Variants in ZNF804B observed in about 807,000 individuals in gnomAD.
ZNF804B encodes zinc finger protein 804B.
In ZNF804B, 80 loss-of-function variants were observed where a neutral mutation model predicts 101.4. The observed-to-expected ratio is 0.79, with a 90% confidence interval of 0.66 to 0.95. The LOEUF is 0.95. ZNF804B is among the 40% of genes least tolerant of loss of function. The probability of loss-of-function intolerance (pLI) is 0.00; values close to 1 mark genes in which losing one functional copy is unlikely to be tolerated. For synonymous variants in ZNF804B, 622 were observed against 558.8 expected (o/e 1.11, Z -1.59); for missense variants, 1,673 against 1,561.9 (o/e 1.07, Z -1.20).
chr7:89,305,522 A>T (rs1400568547), intron 2 of ZNF804B, among the ~76,000 whole-genome samples: 1 of 151,918 alleles, frequency 6.6e-6, no homozygotes, highest in Admixed American at 6.6e-5. Context: ...CTTCCTCAAC[A>T]TAGTTTGTTG....
chr7:89,170,705 T>C (rs1791210401), intron 1 of ZNF804B, among the ~76,000 whole-genome samples: 1 of 152,200 alleles, frequency 6.6e-6, no homozygotes. Context: ...GGTGGTAGGT[T>C]TGTAAAGAAA....
At chr7:88,907,046 A>G (rs1329730272) in intron 1 of ZNF804B, among the ~76,000 whole-genome samples, 3 of 152,064 alleles carry the variant, frequency 2.0e-5, no homozygotes, top group African/African-American at 7.2e-5. Context: ...TGATATAAGA[A>G]TAGTGACTCT....
At position 89,336,454 on chromosome 7, in the gene ZNF804B, T is replaced by C. The variant is rs370763423; in HGVS notation, c.3472T>C (p.Tyr1158His). 9.5e-5 allele frequency: 153 copies of C among 1,613,912 alleles called. No individual in the cohort carries two copies. The highest frequency in any genetic ancestry group is 1.3e-4 in the Non-Finnish European group (148 of 1,180,014). ...ITFSPDEIDK[Y>H]KILQLQAQQH... ...ATTTTCTCCTGACGAAATAGATAAATATAAGATCCTACAGCTACAAGCCCA... is the reference window on the plus strand; with the variant it reads ...ATTTTCTCCTGACGAAATAGATAAACATAAGATCCTACAGCTACAAGCCCA... Residue 1158 changes from tyrosine to histidine, a missense_variant, in exon 4 of 4, where the codon TAT becomes CAT. Coordinates refer to ENST00000333190, the MANE Select transcript of ZNF804B (RefSeq NM_181646.5).
intron 2 of ZNF804B, among the ~76,000 whole-genome samples, chr7:89,313,638 G>A (rs1163538934): frequency 6.6e-6 from 1 of 152,122 alleles, no homozygotes; most frequent in Non-Finnish European, 1.5e-5. Flanking sequence ...GCAGGTAGGG[G>A]AATAAAGATT....
chr7:88,808,304 C>T (rs1417678740), intron 1 of ZNF804B, among the ~76,000 whole-genome samples: 1 of 151,664 alleles, frequency 6.6e-6, no homozygotes, highest in Non-Finnish European at 1.5e-5. Flanking sequence ...ATCACTTGAA[C>T]CCAGGAGACG....
At chr7:88,871,779 C>A (rs2115881046) in intron 1 of ZNF804B, among the ~76,000 whole-genome samples, 1 of 152,180 alleles carries the variant, frequency 6.6e-6, no homozygotes, top group East Asian at 1.9e-4. Context: ...GCCTGACCAA[C>A]ATGGAGAAAC....
At chr7:88,854,545 T>TTCCTTCCCTTCCCTTCCCTC in intron 1 of ZNF804B, among the ~76,000 whole-genome samples, 1 of 100,480 alleles carries the variant, frequency 1.0e-5, no homozygotes, top group East Asian at 4.1e-4. Flanking sequence ...CTTCCTTCCT[T>TTCCTTCCCTTCCCTTCCCTC]CCTTCCTTCC....
chr7:88,849,440 A>T (rs894860298), intron 1 of ZNF804B, among the ~76,000 whole-genome samples: 1 of 151,902 alleles, frequency 6.6e-6, no homozygotes, highest in Non-Finnish European at 1.5e-5. Context: ...ATAAATATTG[A>T]GTAACAAGAT....
At chr7:88,860,469 T>A (rs1018506394) in intron 1 of ZNF804B, among the ~76,000 whole-genome samples, 2 of 152,134 alleles carry the variant, frequency 1.3e-5, no homozygotes, top group Non-Finnish European at 2.9e-5. Flanking sequence ...AAATTATGCT[T>A]GGAAATTTCT....
At chr7:89,263,843 A>G (rs1753150812) in intron 2 of ZNF804B, among the ~76,000 whole-genome samples, 1 of 152,144 alleles carries the variant, frequency 6.6e-6, no homozygotes, top group Non-Finnish European at 1.5e-5. Flanking sequence ...ATTTTAGAGG[A>G]AGTGTAGCCC....
rs1306999141 is a variant in ZNF804B, at chr7:89,103,062, T to TGTTTGTTTTTG, written c.109-115093_109-115092insGTTTGTTTTTG. Among the ~76,000 whole-genome samples, 353 of 135,202 alleles carry TGTTTGTTTTTG rather than the reference T, an allele frequency of 2.6e-3. 2 individuals are homozygous for TGTTTGTTTTTG. The highest frequency in any genetic ancestry group is 7.1e-3 in the Middle Eastern group (2 of 280). The allele number at this position is 135,202 out of a possible 152,430, so 88.7% of individuals were successfully genotyped here. On this transcript the variant is annotated intron_variant, in intron 1 of 3. Coordinates refer to ENST00000333190, the MANE Select transcript of ZNF804B (RefSeq NM_181646.5). Reference sequence around the variant, plus strand: ...CCTATGTGTCTGTTTTTTTTTTTTTTTTTTTTTTTTTTTTTTTTTTTACCA... The same window carrying TGTTTGTTTTTG: ...CCTATGTGTCTGTTTTTTTTTTTTTTGTTTGTTTTTGTTTTTTTTTTTTTTTTTTTTTACCA...
intron 1 of ZNF804B, among the ~76,000 whole-genome samples, chr7:88,887,210 A>G (rs1383185394): frequency 1.3e-5 from 2 of 152,058 alleles, no homozygotes; most frequent in African/African-American, 2.4e-5. Context: ...CATGTTTGTG[A>G]TGTTTGTTGG....
chr7:89,084,079 C>T (rs1789737929), intron 1 of ZNF804B, among the ~76,000 whole-genome samples: 1 of 151,896 alleles, frequency 6.6e-6, no homozygotes. Flanking sequence ...GTCAAGCTAT[C>T]TAAATCACTC....
At chr7:89,109,520 G>A (rs1382005904) in intron 1 of ZNF804B, among the ~76,000 whole-genome samples, 1 of 152,126 alleles carries the variant, frequency 6.6e-6, no homozygotes, top group African/African-American at 2.4e-5. Context: ...TTTGCACCCA[G>A]TTACTAGGAA....
intron 1 of ZNF804B, among the ~76,000 whole-genome samples, chr7:89,217,120 G>T (rs752452593): frequency 1.4e-4 from 21 of 152,160 alleles, no homozygotes; most frequent in Non-Finnish European, 2.5e-4. Context: ...CAAAAAATTG[G>T]TGGAATAAAT....
At chr7:88,934,031 A>G (rs1792930905) in intron 1 of ZNF804B, among the ~76,000 whole-genome samples, 1 of 152,024 alleles carries the variant, frequency 6.6e-6, no homozygotes, top group Admixed American at 6.6e-5. Flanking sequence ...CTACATGGCT[A>G]TAGTTACCAA....
At chr7:88,877,043 ATATATATTTTTTTT>A (rs1791960529) in intron 1 of ZNF804B, among the ~76,000 whole-genome samples, 1 of 41,810 alleles carries the variant, frequency 2.4e-5, no homozygotes, top group East Asian at 5.7e-4. Flanking sequence ...ATATATATAT[ATATATATTTTTTTT>A]TTTTTTTTTT....
At chr7:89,180,867 G>T (rs1788286379) in intron 1 of ZNF804B, among the ~76,000 whole-genome samples, 1 of 146,542 alleles carries the variant, frequency 6.8e-6, no homozygotes, top group Non-Finnish European at 1.5e-5. Flanking sequence ...AATGCCTTTT[G>T]TGTTTATTTA....
rs994260185 is a variant in ZNF804B at position 89,276,783 on chromosome 7, T to G, written c.250-50561T>G. ...CTAGCATTAAAATGTTTGTCAACTATATCATTTTAAACTTAATCATATATT... is the reference window on the plus strand; with the variant it reads ...CTAGCATTAAAATGTTTGTCAACTAGATCATTTTAAACTTAATCATATATT... On this transcript the variant is annotated intron_variant, in intron 2 of 3. Coordinates refer to ENST00000333190, the MANE Select transcript of ZNF804B (RefSeq NM_181646.5). Among the ~76,000 whole-genome samples the G allele has an allele frequency of 2.0e-4, 30 of 152,006 alleles. 2 individuals carry two copies. Among genetic ancestry groups the G allele is most frequent in the African/African-American group, 7.3e-4 (30 of 41,322 alleles).
Sources: gnomAD v4.1 joint callset for allele counts (sites outside exome capture counted in the v4.1 genomes callset) on GRCh38, gnomAD v4.1.1 for gene constraint, MANE v1.5 for transcripts, NCBI Gene and HGNC (gene_info 2026-07-23, HGNC 2026-07-21) for gene names.